The following ARHGAP32 variants were observed in gnomAD, a reference collection of about 807,000 sequenced individuals.
The protein encoded by ARHGAP32 is Rho GTPase activating protein 32.
In ARHGAP32, 51 loss-of-function variants were observed where a neutral mutation model predicts 186.5. That is an observed-to-expected ratio of 0.27 (90% confidence interval 0.22 to 0.35). The LOEUF is 0.35. ARHGAP32 is among the 10% of genes least tolerant of loss of function. The pLI is 1.00. For missense variants in ARHGAP32, 2,186 were observed against 2,623.5 expected (o/e 0.83, Z 3.64); for synonymous variants, 950 against 964.3 (o/e 0.99, Z 0.27).
At chr11:129,195,701 C>T (rs1244245724), upstream of ARHGAP32, among the ~76,000 whole-genome samples, 10 of 152,164 alleles carry the variant, frequency 6.6e-5, no homozygotes, top group East Asian at 1.9e-4. Flanking sequence ...AAGACAAGAG[C>T]GAACCTCCGT....
intron 2 of ARHGAP32, among the ~76,000 whole-genome samples, chr11:129,136,651 A>G (rs1942941407): frequency 6.6e-6 from 1 of 152,192 alleles, no homozygotes; most frequent in African/African-American, 2.4e-5. Flanking sequence ...AACATACATC[A>G]TAAGTGAATT....
chr11:129,235,900 A>AACACACACACACACACACAC (rs57291313), intron 1 of ARHGAP32, among the ~76,000 whole-genome samples: 9 of 145,748 alleles, frequency 6.2e-5, no homozygotes, highest in African/African-American at 1.5e-4. Context: ...GTCATTCATA[A>AACACACACACACACACACAC]ACACACACAC....
At chr11:128,980,831 T>A in intron 17 of ARHGAP32, 83 bp from the exon 18 acceptor site, 1 of 1,043,882 alleles carries the variant, frequency 9.6e-7, no homozygotes, top group Non-Finnish European at 1.4e-6. Flanking sequence ...TCCATCTATC[T>A]ACCTATCTGT....
At chr11:129,062,070 T>C (rs896250053) in intron 10 of ARHGAP32, among the ~76,000 whole-genome samples, 1 of 152,132 alleles carries the variant, frequency 6.6e-6, no homozygotes, top group African/African-American at 2.4e-5. Flanking sequence ...TTCACCACCA[T>C]TTAAAGATGA....
At chr11:129,024,130 G>A (rs1291158089) in intron 11 of ARHGAP32, 4 of 985,364 alleles carry the variant, frequency 4.1e-6, no homozygotes, top group Non-Finnish European at 4.8e-6. Flanking sequence ...CAGCAAGCCA[G>A]CAAGTGTGTG....
At chr11:129,270,652 A>T (rs1945462403) in intron 1 of ARHGAP32, among the ~76,000 whole-genome samples, 1 of 152,062 alleles carries the variant, frequency 6.6e-6, no homozygotes, top group Non-Finnish European at 1.5e-5. Flanking sequence ...GAAGCTGCAT[A>T]TGTGTAAAGA....
intron 2 of ARHGAP32, among the ~76,000 whole-genome samples, chr11:129,135,162 C>G (rs538971081): frequency 6.6e-6 from 1 of 152,088 alleles, no homozygotes; most frequent in East Asian, 1.9e-4. Flanking sequence ...GACTTATCTG[C>G]AGAAATTGGG....
At chr11:129,176,806 T>C (rs1298700184) in intron 1 of ARHGAP32, among the ~76,000 whole-genome samples, 1 of 151,758 alleles carries the variant, frequency 6.6e-6, no homozygotes, top group African/African-American at 2.4e-5. Context: ...GGGAAATTTA[T>C]AGCACTAAAT....
chr11:129,220,579 A>G (rs1477966937), intron 1 of ARHGAP32, among the ~76,000 whole-genome samples: 2 of 152,202 alleles, frequency 1.3e-5, no homozygotes, highest in Non-Finnish European at 2.9e-5. Flanking sequence ...ATTCCTCAAT[A>G]AACACATACC....
chr11:129,032,228 G>A (rs372570423), intron 11 of ARHGAP32, among the ~76,000 whole-genome samples: 34 of 152,290 alleles, frequency 2.2e-4, no homozygotes, highest in Non-Finnish European at 3.2e-4. Flanking sequence ...CCTCTGGGGC[G>A]CCAAGGGTCG....
At chr11:129,174,896 C>T (rs1289295722) in intron 1 of ARHGAP32, among the ~76,000 whole-genome samples, 2 of 147,608 alleles carry the variant, frequency 1.4e-5, no homozygotes, top group East Asian at 2.0e-4. Context: ...TCTCCTCCTC[C>T]AAAGGAACGC....
At chr11:128,985,207 G>A (rs767962054) in intron 15 of ARHGAP32, among the ~76,000 whole-genome samples, 10 of 151,994 alleles carry the variant, frequency 6.6e-5, no homozygotes, top group African/African-American at 1.7e-4. Flanking sequence ...TAGTAGAGAC[G>A]GGGTTTTGCC....
At chr11:129,178,833 A>G (rs1205252769) in intron 1 of ARHGAP32, among the ~76,000 whole-genome samples, 2 of 151,220 alleles carry the variant, frequency 1.3e-5, no homozygotes, top group African/African-American at 2.4e-5. Flanking sequence ...CTAAAACCAT[A>G]AAAACCCTAG....
At position 129,209,233 on chromosome 11, in the gene ARHGAP32, T is replaced by C. The variant is rs539552515; in HGVS notation, c.-4-44806A>G. ...CAAATTATCTTTGAAAGTGTCAAGC[T>C]GGTTGAGCATTCAAACCTTAAGGTG... is the stretch of plus-strand genomic sequence containing the variant. On this transcript the variant is annotated intron_variant, in intron 1 of 6. Transcript: ENST00000525234. 3.0e-4 allele frequency among the ~76,000 whole-genome samples: 45 copies of C among 152,306 alleles called. 2 individuals are homozygous for C. In the South Asian group the frequency reaches 9.3e-3, roughly 32 times the overall value.
chr11:129,139,703 G>T (rs946608861), intron 2 of ARHGAP32, among the ~76,000 whole-genome samples: 12 of 152,190 alleles, frequency 7.9e-5, no homozygotes, highest in East Asian at 1.9e-4. Context: ...GACATGACTT[G>T]CTCCTCCTTG....
At chr11:129,031,224 A>G (rs1389167963) in intron 11 of ARHGAP32, among the ~76,000 whole-genome samples, 3 of 152,214 alleles carry the variant, frequency 2.0e-5, no homozygotes, top group African/African-American at 7.2e-5. Context: ...AGTTTCTGAT[A>G]CTCATGAATT....
At chr11:128,977,928 G>A (rs575103582) in intron 19 of ARHGAP32, among the ~76,000 whole-genome samples, 6 of 150,582 alleles carry the variant, frequency 4.0e-5, no homozygotes, top group Admixed American at 1.3e-4. Flanking sequence ...TGTTGCCCAG[G>A]CTGGTCTTGA....
chr11:129,141,528 G>A (rs763069639), intron 2 of ARHGAP32, among the ~76,000 whole-genome samples: 2 of 151,468 alleles, frequency 1.3e-5, no homozygotes, highest in Non-Finnish European at 2.9e-5. Context: ...TGTAAATGAC[G>A]AGTTAATGGG....
At chr11:129,202,985 A>G (rs1247975138) in intron 1 of ARHGAP32, 1 of 152,250 alleles carries the variant, frequency 6.6e-6, no homozygotes, top group Non-Finnish European at 1.5e-5. Flanking sequence ...TCAGCAGTAC[A>G]TATACTAAAA....
Sources: gnomAD v4.1 joint callset for allele counts (sites outside exome capture counted in the v4.1 genomes callset) on GRCh38, gnomAD v4.1.1 for gene constraint, MANE v1.5 for transcripts, NCBI Gene and HGNC (gene_info 2026-07-23, HGNC 2026-07-21) for gene names.